Variants in RASAL2 observed in about 807,000 individuals in gnomAD.
RASAL2 encodes RAS protein activator like 2.
Under a neutral mutation model 128.9 loss-of-function variants are expected in RASAL2, and 58 were observed. The ratio of observed to expected loss-of-function variants is 0.45; its 90% CI spans 0.36 to 0.56. The LOEUF is 0.56. Ranked by LOEUF, RASAL2 falls within the 20% of genes least tolerant of loss-of-function variation. RASAL2 has a pLI of 0.00. For missense variants in RASAL2, 1,360 were observed against 1,601.6 expected (o/e 0.85, Z 2.57); for synonymous variants, 561 against 580.8 (o/e 0.97, Z 0.49).
intron 15 of RASAL2, among the ~76,000 whole-genome samples, chr1:178,465,459 G>A (rs1171111333): frequency 6.6e-6 from 1 of 152,196 alleles, no homozygotes; most frequent in Non-Finnish European, 1.5e-5. Flanking sequence ...CTACAGTGCA[G>A]ATGATGACAC....
At chr1:178,329,143 A>C (rs1669174671) in intron 3 of RASAL2, among the ~76,000 whole-genome samples, 2 of 152,228 alleles carry the variant, frequency 1.3e-5, no homozygotes, top group South Asian at 4.1e-4. Context: ...TGGTGGGACT[A>C]GACTGGCAAA....
At chr1:178,360,944 A>G (rs1324485423) in intron 3 of RASAL2, among the ~76,000 whole-genome samples, 1 of 152,220 alleles carries the variant, frequency 6.6e-6, no homozygotes, top group Non-Finnish European at 1.5e-5. Context: ...TTTGGAGCCC[A>G]TGTATGTCAT....
chr1:178,465,818 GAAAAAGAA>G (rs905871840), intron 15 of RASAL2, 94 bp from the exon 16 acceptor site: 11 of 1,127,742 alleles, frequency 9.8e-6, no homozygotes, highest in South Asian at 3.5e-5. Context: ...AAAGAAAAAA[GAAAAAGAA>G]AAAAAGAAAG....
At chr1:178,183,292 G>C (rs1039664102) in intron 1 of RASAL2, among the ~76,000 whole-genome samples, 1 of 152,164 alleles carries the variant, frequency 6.6e-6, no homozygotes, top group Non-Finnish European at 1.5e-5. Flanking sequence ...GTCACATTCT[G>C]CATTCAATCC....
intron 11 of RASAL2, among the ~76,000 whole-genome samples, chr1:178,454,096 TG>T (rs1006953804): frequency 1.1e-4 from 17 of 151,650 alleles, no homozygotes; most frequent in Admixed American, 6.6e-4. Context: ...GTAATATATT[TG>T]GGAGACTTTG....
intron 1 of RASAL2, among the ~76,000 whole-genome samples, chr1:178,172,831 T>C (rs192702247): frequency 6.6e-6 from 1 of 152,196 alleles, no homozygotes; most frequent in East Asian, 1.9e-4. Context: ...CCACAAATAG[T>C]GTTGTCATTG....
intron 3 of RASAL2, 63 bp downstream of exon 3, chr1:178,300,181 C>T (rs1667704064): frequency 6.7e-7 from 1 of 1,497,920 alleles, no homozygotes; most frequent in Admixed American, 2.1e-5. Context: ...GGACTTGTTA[C>T]TGAGTAAAAC....
Position 178,333,322 on chromosome 1 carries a change from C to T in RASAL2, c.457+33204C>T, listed in dbSNP as rs542052513. Among the ~76,000 whole-genome samples, 17 of 152,176 alleles carry T rather than the reference C, an allele frequency of 1.1e-4. No individual in the cohort carries two copies. The South Asian group carries it at 1.9e-3, about 17-fold the overall frequency. ...GATTACAGGCGTAAGCCACCGCGCC[C>T]GGCCAGATTTATTAATATCTCTTTT... On this transcript the variant is annotated intron_variant, in intron 3 of 17. Transcript: ENST00000367649.
intron 1 of RASAL2, among the ~76,000 whole-genome samples, chr1:178,115,919 A>T (rs1254399466): frequency 6.6e-6 from 1 of 152,184 alleles, no homozygotes; most frequent in Non-Finnish European, 1.5e-5. Context: ...ATTGGGAGAG[A>T]TAGAGAGATG....
intron 1 of RASAL2, among the ~76,000 whole-genome samples, chr1:178,222,293 C>T (rs1406066875): frequency 6.6e-6 from 1 of 151,996 alleles, no homozygotes; most frequent in Non-Finnish European, 1.5e-5. Flanking sequence ...TATTTGTATT[C>T]ATTGCCTTTG....
chr1:178,110,944 G>GT (rs1227243070), intron 1 of RASAL2, among the ~76,000 whole-genome samples: 1 of 151,618 alleles, frequency 6.6e-6, no homozygotes, highest in African/African-American at 2.4e-5. Context: ...TTATAGTTGT[G>GT]TTTTTTTCTT....
chr1:178,257,014 T>C (rs1270709886), intron 1 of RASAL2, among the ~76,000 whole-genome samples: 2 of 152,010 alleles, frequency 1.3e-5, no homozygotes, highest in South Asian at 2.1e-4. Context: ...AATCCAAAAA[T>C]TTAAGATAAT....
chr1:178,102,801 A>G (rs1658953132), intron 1 of RASAL2, among the ~76,000 whole-genome samples: 1 of 152,310 alleles, frequency 6.6e-6, no homozygotes, highest in East Asian at 1.9e-4. Flanking sequence ...TGCCTCTACA[A>G]CTTGCCATCT....
rs546749076 is a variant in RASAL2, at chr1:178,343,557, G to C, written c.457+43439G>C. On this transcript the variant is annotated intron_variant, in intron 3 of 17. Coordinates refer to ENST00000367649, the MANE Select transcript of RASAL2 (RefSeq NM_170692.4). ...TGTGTATATTATATGATAGAATAGA[G>C]AGTAAAATGGGCCTTTGGCCTGAGT... Among the ~76,000 whole-genome samples, 70 of 152,268 alleles carry C rather than the reference G, an allele frequency of 4.6e-4. 4 individuals are homozygous for C. In the South Asian group the frequency reaches 0.014, roughly 31 times the overall value.
At chr1:178,449,015 C>A (rs1169841372) in intron 9 of RASAL2, among the ~76,000 whole-genome samples, 3 of 152,138 alleles carry the variant, frequency 2.0e-5, no homozygotes, top group African/African-American at 7.2e-5. Context: ...AATTGGTAAG[C>A]TTCTTCAGGA....
Position 178,408,101 on chromosome 1 carries a change from T to C in RASAL2, c.565-12410T>C, listed in dbSNP as rs143289562. Among the ~76,000 whole-genome samples, 556 of 152,368 alleles carry C rather than the reference T, an allele frequency of 3.6e-3. 2 individuals carry two copies. The highest frequency in any genetic ancestry group is 0.012 in the African/African-American group (517 of 41,578). ...AATTAAATTATTTTAGTTGTATCAA[T>C]TGCTATGACAATGTACCTTTTTTAA... On this transcript the variant is annotated intron_variant, in intron 4 of 17. Transcript: ENST00000367649.
intron 1 of RASAL2, among the ~76,000 whole-genome samples, chr1:178,276,148 A>G (rs1341485298): frequency 2.6e-5 from 4 of 152,182 alleles, no homozygotes; most frequent in African/African-American, 9.7e-5. Context: ...ATGAACTATA[A>G]TATAATTTGC....
chr1:178,103,232 A>G (rs948278398), intron 1 of RASAL2, among the ~76,000 whole-genome samples: 2 of 149,492 alleles, frequency 1.3e-5, no homozygotes, highest in African/African-American at 2.5e-5. Context: ...TTTTCCTTTC[A>G]TTTTGTAAAG....
At chr1:178,430,083 T>C (rs12045201) in intron 5 of RASAL2, among the ~76,000 whole-genome samples, 37,931 of 152,106 alleles carry the variant, frequency 0.25, 7,535 homozygotes, top group African/African-American at 0.55. Flanking sequence ...TCTTTGTATC[T>C]TCATTCCCTA....
Sources: gnomAD v4.1 joint callset for allele counts (sites outside exome capture counted in the v4.1 genomes callset) on GRCh38, gnomAD v4.1.1 for gene constraint, MANE v1.5 for transcripts, NCBI Gene and HGNC (gene_info 2026-07-23, HGNC 2026-07-21) for gene names.